NRG1: variants seen among roughly 807,000 people sequenced by gnomAD.
NRG1 encodes the protein pro-neuregulin-1, membrane-bound isoform.
Under a neutral mutation model 63.8 loss-of-function variants are expected in NRG1, and 18 were observed. The observed-to-expected ratio is 0.28, with a 90% confidence interval of 0.19 to 0.42. NRG1 has a LOEUF of 0.42. Among genes scored for constraint, NRG1 ranks in the 10% least tolerant of loss-of-function variants. NRG1 has a pLI of 1.00. For synonymous variants in NRG1, 302 were observed against 301.3 expected, an observed-to-expected ratio of 1.00 and a Z score of -0.02; for missense variants, 762 against 814.7, an observed-to-expected ratio of 0.94 and a Z score of 0.79.
At chr8:32,647,507 AG>A (rs1853871605) in intron 5 of NRG1, 4 of 985,428 alleles carry the variant, frequency 4.1e-6, no homozygotes, top group Non-Finnish European at 4.8e-6. Context: ...AGCAGCTTAA[AG>A]AATTATTACG....
Position 32,678,252 on chromosome 8 carries a change from C to T in NRG1, c.503-49697C>T, listed in dbSNP as rs546225388. 2.5e-4 allele frequency among the ~76,000 whole-genome samples: 38 copies of T among 152,192 alleles called. 1 individual carries two copies. The South Asian group carries it at 3.3e-3, about 13-fold the overall frequency. On this transcript the variant is annotated intron_variant, in intron 5 of 11. Transcript: ENST00000356819. ...AGTCTCACTGGATTTGTTTTCTTTCCGCTAATGTCCCAGGTCACCTATCTG... is the reference window on the plus strand; with the variant it reads ...AGTCTCACTGGATTTGTTTTCTTTCTGCTAATGTCCCAGGTCACCTATCTG...
intron 1 of NRG1, among the ~76,000 whole-genome samples, chr8:31,648,966 T>TC (rs200335292): frequency 1.3e-5 from 2 of 150,644 alleles, no homozygotes; most frequent in Admixed American, 1.3e-4. Flanking sequence ...TCTTTTCTTT[T>TC]TTTTTTTTTT....
At chr8:32,223,220 T>C (rs1292427115) in intron 1 of NRG1, among the ~76,000 whole-genome samples, 1 of 152,200 alleles carries the variant, frequency 6.6e-6, no homozygotes. Flanking sequence ...TTATAAAATG[T>C]TTAAATCCAT....
At chr8:32,190,173 GTATTAT>G (rs376743930) in intron 1 of NRG1, among the ~76,000 whole-genome samples, 53 of 150,114 alleles carry the variant, frequency 3.5e-4, no homozygotes, top group South Asian at 1.1e-3. Flanking sequence ...TTATCAAAAT[GTATTAT>G]TATTATTATT....
In NRG1 at chr8:32,463,906, T is replaced by TGG. The variant is rs1822691610; in HGVS notation, c.38-131922_38-131921insGG. 6.3e-5 allele frequency among the ~76,000 whole-genome samples: 4 copies of TGG among 63,284 alleles called. 1 individual carries two copies. The highest frequency in any genetic ancestry group is 2.0e-4 in the African/African-American group (4 of 19,886). 41.5% of individuals were successfully genotyped at this position (63,284 alleles called of 152,430 possible). A position where few individuals can be genotyped will look rare whatever the true frequency, so the allele number is the denominator to read the frequency against. On this transcript the variant is annotated intron_variant, in intron 1 of 10. Transcript: ENST00000519301. ...TTTTTTTTTTTTTTTTTTTTTTTTT[T>TGG]TTTTTTTGGGGGAGGGTCTCATTCT...
At chr8:32,511,932 G>C (rs1427738996) in intron 1 of NRG1, among the ~76,000 whole-genome samples, 1 of 152,288 alleles carries the variant, frequency 6.6e-6, no homozygotes, top group East Asian at 1.9e-4. Context: ...CAGGACCAGT[G>C]GGGTAGAATT....
At chr8:31,818,325 C>A (rs2129602763) in intron 1 of NRG1, among the ~76,000 whole-genome samples, 1 of 152,214 alleles carries the variant, frequency 6.6e-6, no homozygotes, top group Admixed American at 6.5e-5. Flanking sequence ...AGCCTTCTCC[C>A]ATCAAATAGG....
At chr8:32,764,030 G>A in exon 12 of NRG1, 1 of 1,614,070 alleles carries the variant, frequency 6.2e-7, no homozygotes, top group Non-Finnish European at 8.5e-7. Context: ...CTAGCCCCTT[G>A]AGGATAGTGG....
intron 1 of NRG1, among the ~76,000 whole-genome samples, chr8:31,703,356 C>A (rs971730700): frequency 6.6e-6 from 1 of 151,620 alleles, no homozygotes; most frequent in African/African-American, 2.4e-5. Context: ...TGAAGGCCAA[C>A]AATTAAAATA....
intron 4 of NRG1, among the ~76,000 whole-genome samples, chr8:32,616,135 C>A (rs1847315684): frequency 6.6e-6 from 1 of 151,822 alleles, no homozygotes; most frequent in Non-Finnish European, 1.5e-5. Flanking sequence ...TAATGAAAAC[C>A]CATCCGTTCC....
chr8:31,740,776 C>A (rs147562939), intron 1 of NRG1, among the ~76,000 whole-genome samples: 33 of 151,804 alleles, frequency 2.2e-4, no homozygotes, highest in African/African-American at 7.0e-4. Flanking sequence ...GTGTGGTAAG[C>A]AATTGATCTG....
chr8:32,553,628 G>C (rs1016005000), intron 1 of NRG1, among the ~76,000 whole-genome samples: 1 of 151,992 alleles, frequency 6.6e-6, no homozygotes, highest in Non-Finnish European at 1.5e-5. Flanking sequence ...CTTTTTTCTG[G>C]CAACACTTAA....
At chr8:31,779,316 A>G (rs1819453663) in intron 1 of NRG1, among the ~76,000 whole-genome samples, 2 of 152,290 alleles carry the variant, frequency 1.3e-5, no homozygotes, top group African/African-American at 2.4e-5. Context: ...GTGTGCTGGC[A>G]TTACCTTAAA....
chr8:32,530,839 C>T (rs944595100), intron 1 of NRG1, among the ~76,000 whole-genome samples: 1 of 152,166 alleles, frequency 6.6e-6, no homozygotes, highest in Non-Finnish European at 1.5e-5. Flanking sequence ...CGCCTGTAAT[C>T]CTAGCACTTT....
At chr8:32,192,813 G>C (rs1001717017) in intron 1 of NRG1, among the ~76,000 whole-genome samples, 1 of 151,840 alleles carries the variant, frequency 6.6e-6, no homozygotes, top group African/African-American at 2.4e-5. Context: ...ACCTTGTAGT[G>C]CCCCACCCTG....
intron 1 of NRG1, among the ~76,000 whole-genome samples, chr8:31,784,261 A>G (rs543099117): frequency 2.6e-5 from 4 of 152,324 alleles, no homozygotes; most frequent in Admixed American, 2.6e-4. Flanking sequence ...TAACTATCCT[A>G]TATTATTTTT....
intron 1 of NRG1, among the ~76,000 whole-genome samples, chr8:31,803,962 C>T (rs1822037212): frequency 6.6e-6 from 1 of 152,220 alleles, no homozygotes; most frequent in Admixed American, 6.5e-5. Flanking sequence ...TTTCAGCCTT[C>T]TGCAGAGATG....
exon 12 of NRG1, chr8:32,764,858 GA>G (rs1831300139): frequency 6.5e-6 from 1 of 153,334 alleles, no homozygotes; most frequent in Non-Finnish European, 1.5e-5. Context: ...TCTTGTGTAT[GA>G]AGTTTTCTTT....
chr8:32,557,386 T>G (rs556438197), intron 1 of NRG1, among the ~76,000 whole-genome samples: 1 of 152,334 alleles, frequency 6.6e-6, no homozygotes, highest in East Asian at 1.9e-4. Flanking sequence ...GCCAACAGGG[T>G]GAAATGGAAG....
Sources: allele counts gnomAD v4.1 joint callset (sites outside exome capture counted in the v4.1 genomes callset), GRCh38; gene constraint gnomAD v4.1.1; transcripts MANE v1.5; gene names NCBI Gene and HGNC (gene_info 2026-07-23, HGNC 2026-07-21).